The following DLG2 variants were observed in gnomAD, a reference collection of about 807,000 sequenced individuals.
The protein encoded by DLG2 is discs large MAGUK scaffold protein 2, also known as disks large homolog 2.
DLG2 carries 45 observed loss-of-function variants against 132.5 expected under a neutral mutation model. That is an observed-to-expected ratio of 0.34 (90% CI 0.27 to 0.44). The LOEUF is 0.44. Ranked by LOEUF, DLG2 falls within the 20% of genes least tolerant of loss-of-function variation. The pLI, the probability that DLG2 is intolerant of heterozygous loss-of-function variation, is 1.00. For missense variants in DLG2, 1,045 were observed against 1,196.9 expected (o/e 0.87, Z 1.87); for synonymous variants, 424 against 419.6 (o/e 1.01, Z -0.13).
intron 9 of DLG2, among the ~76,000 whole-genome samples, chr11:84,124,885 T>C (rs1170015542): frequency 6.8e-6 from 1 of 146,224 alleles, no homozygotes; most frequent in African/African-American, 2.5e-5. Flanking sequence ...TGTTTCGCTC[T>C]TGTTGCCCAG....
intron 3 of DLG2, among the ~76,000 whole-genome samples, chr11:85,479,594 T>A (rs2093236806): frequency 6.6e-6 from 1 of 152,242 alleles, no homozygotes; most frequent in Non-Finnish European, 1.5e-5. Flanking sequence ...TTTGAAATGA[T>A]GCTCAACCTC....
At chr11:84,925,421 C>G (rs1291462051) in intron 6 of DLG2, among the ~76,000 whole-genome samples, 2 of 152,016 alleles carry the variant, frequency 1.3e-5, no homozygotes, top group Non-Finnish European at 2.9e-5. Context: ...TTTAAAACAC[C>G]TGAGTATACC....
At chr11:84,655,434 C>T (rs964802495) in intron 6 of DLG2, among the ~76,000 whole-genome samples, 2 of 152,134 alleles carry the variant, frequency 1.3e-5, no homozygotes, top group African/African-American at 4.8e-5. Context: ...AAATGTTTCT[C>T]TTATCCTGAG....
intron 3 of DLG2, among the ~76,000 whole-genome samples, chr11:85,556,198 C>G (rs139000690): frequency 6.6e-6 from 1 of 151,690 alleles, no homozygotes; most frequent in Non-Finnish European, 1.5e-5. Context: ...CTACTCATTG[C>G]GTGTTTACTA....
intron 7 of DLG2, among the ~76,000 whole-genome samples, chr11:84,299,583 G>C (rs886887838): frequency 5.3e-5 from 8 of 152,170 alleles, no homozygotes; most frequent in African/African-American, 1.9e-4. Context: ...GCAATGAAGA[G>C]CAAGAAAGAA....
chr11:84,925,332 G>A (rs1339955687), intron 6 of DLG2, among the ~76,000 whole-genome samples: 1 of 152,098 alleles, frequency 6.6e-6, no homozygotes, highest in Non-Finnish European at 1.5e-5. Flanking sequence ...GGCTATCAGG[G>A]AGGACTTCTA....
At chr11:85,035,148 T>C (rs2061343305) in intron 6 of DLG2, among the ~76,000 whole-genome samples, 1 of 152,350 alleles carries the variant, frequency 6.6e-6, no homozygotes, top group Admixed American at 6.5e-5. Flanking sequence ...TCAGACAATC[T>C]TTTGACCTAA....
At chr11:85,172,664 T>C (rs2078958735) in intron 4 of DLG2, among the ~76,000 whole-genome samples, 1 of 152,042 alleles carries the variant, frequency 6.6e-6, no homozygotes. Context: ...TAATAATGAA[T>C]AACAAACTTT....
intron 7 of DLG2, chr11:84,317,246 C>T: frequency 2.0e-6 from 3 of 1,507,266 alleles, no homozygotes. Context: ...CTTTTTTCCA[C>T]CGTGGATTCC....
intron 6 of DLG2, among the ~76,000 whole-genome samples, chr11:85,063,064 T>C (rs889902569): frequency 6.6e-6 from 1 of 151,828 alleles, no homozygotes; most frequent in Non-Finnish European, 1.5e-5. Flanking sequence ...ATATTAAAGA[T>C]TTTGTAGTGG....
intron 6 of DLG2, among the ~76,000 whole-genome samples, chr11:84,780,997 C>CA (rs372443245): frequency 0.15 from 13,653 of 93,890 alleles, 1,280 homozygotes; most frequent in East Asian, 0.34. Context: ...CAGGATTGTA[C>CA]AAAAAAAAAA....
chr11:83,688,432 G>A lies in DLG2; in HGVS notation c.1826-55107C>T, dbSNP rs139874026. On this transcript the variant is annotated intron_variant, in intron 18 of 27. Transcript: ENST00000376104. ...TAAATGCTAGTTCCCTTCAAAGAAA[G>A]AAGTGAAGATTTATGCATCCAGAAG... 1.9e-3 allele frequency among the ~76,000 whole-genome samples: 288 copies of A among 152,268 alleles called. 1 individual carries two copies. Among genetic ancestry groups the A allele is most frequent in the Middle Eastern group, 0.017 (5 of 294 alleles).
intron 4 of DLG2, among the ~76,000 whole-genome samples, chr11:85,210,230 T>C (rs1023239019): frequency 6.6e-6 from 1 of 152,166 alleles, no homozygotes; most frequent in Non-Finnish European, 1.5e-5. Context: ...GCTTAGGATA[T>C]AGGAGGCAGG....
intron 6 of DLG2, among the ~76,000 whole-genome samples, chr11:84,871,046 C>T (rs779710050): frequency 2.6e-5 from 4 of 152,166 alleles, no homozygotes; most frequent in Admixed American, 1.3e-4. Flanking sequence ...AAACAGCCTT[C>T]GGAGGATAAT....
intron 6 of DLG2, among the ~76,000 whole-genome samples, chr11:84,927,763 A>G (rs937337983): frequency 1.3e-5 from 2 of 152,088 alleles, no homozygotes; most frequent in African/African-American, 4.8e-5. Flanking sequence ...AAAAATGTAC[A>G]CCATTTCTTA....
intron 7 of DLG2, among the ~76,000 whole-genome samples, chr11:84,289,138 G>A (rs185610151): frequency 6.6e-6 from 1 of 152,140 alleles, no homozygotes; most frequent in African/African-American, 2.4e-5. Context: ...CTGCCATGAT[G>A]AAGAGTTTCT....
intron 7 of DLG2, among the ~76,000 whole-genome samples, chr11:84,321,662 A>G (rs1183761675): frequency 2.0e-5 from 3 of 152,166 alleles, no homozygotes; most frequent in African/African-American, 7.2e-5. Context: ...AGGCTGCATC[A>G]AGAGGCAACT....
chr11:84,648,202 G>T (rs776490665), intron 6 of DLG2, among the ~76,000 whole-genome samples: 1 of 152,136 alleles, frequency 6.6e-6, no homozygotes, highest in Non-Finnish European at 1.5e-5. Flanking sequence ...ATGCTAATGC[G>T]TATTAATACT....
At position 85,540,335 on chromosome 11, in the gene DLG2, G is replaced by A. The variant is rs555145509; in HGVS notation, c.40+58322C>T. Reference sequence around the variant, plus strand: ...ACAGACACACGAGCAGCTGGACATCGAGAGGAACAGAGGATCAGAAGAGCA... The same window carrying A: ...ACAGACACACGAGCAGCTGGACATCAAGAGGAACAGAGGATCAGAAGAGCA... On this transcript the variant is annotated intron_variant, in intron 3 of 27. Transcript: ENST00000376104. Among the ~76,000 whole-genome samples the A allele has an allele frequency of 7.9e-5, 12 of 152,266 alleles. 2 individuals carry two copies. The South Asian group carries it at 2.1e-3, about 26-fold the overall frequency.
Sources: allele counts gnomAD v4.1 joint callset (sites outside exome capture counted in the v4.1 genomes callset), GRCh38; gene constraint gnomAD v4.1.1; transcripts MANE v1.5; gene names NCBI Gene and HGNC (gene_info 2026-07-23, HGNC 2026-07-21).